The following ACACA variants were observed in gnomAD, a reference collection of about 807,000 sequenced individuals.
ACACA encodes acetyl-CoA carboxylase 1.
A neutral mutation model predicts 296.1 loss-of-function variants in ACACA; 103 were observed. The ratio of observed to expected loss-of-function variants is 0.35; its 90% CI spans 0.30 to 0.41. The LOEUF (loss-of-function observed/expected upper bound fraction) is 0.41, where lower values mean the gene tolerates loss of function less well. ACACA is among the 10% of genes least tolerant of loss of function. The pLI is 1.00. For synonymous variants in ACACA, 953 were observed against 1,038.6 expected (o/e 0.92, Z 1.58); for missense variants, 1,554 against 2,989.7 (o/e 0.52, Z 11.20).
At chr17:37,270,244 G>C (rs968680597) in intron 10 of ACACA, among the ~76,000 whole-genome samples, 1 of 152,110 alleles carries the variant, frequency 6.6e-6, no homozygotes, top group Admixed American at 6.5e-5. Flanking sequence ...GGGACAGCAG[G>C]GTAGATGAGA....
At chr17:37,088,291 G>A (rs570878395) in intron 55 of ACACA, among the ~76,000 whole-genome samples, 1 of 152,094 alleles carries the variant, frequency 6.6e-6, no homozygotes. Flanking sequence ...GAAATATTTG[G>A]GGGTAAAGGC....
chr17:37,264,022 A>C lies in ACACA; in HGVS notation c.1120-128T>G. 3 of 725,536 alleles carry C rather than the reference A, an allele frequency of 4.1e-6. No homozygotes were observed. In the East Asian group the frequency reaches 8.0e-5, roughly 19 times the overall value. The allele number at this position is 725,536 out of a possible 1,614,324, so 44.9% of individuals were successfully genotyped here. ...GTCAGGAACCATGTTAATCAGCAGAAATACAAAACTGAATAAAATACAGTC... is the reference window on the plus strand; with the variant it reads ...GTCAGGAACCATGTTAATCAGCAGACATACAAAACTGAATAAAATACAGTC... On this transcript the variant is annotated intron_variant, in intron 10 of 55. Coordinates refer to ENST00000616317, the MANE Select transcript of ACACA (RefSeq NM_198834.3).
chr17:37,316,657 AAT>A (rs1375881133), intron 3 of ACACA, among the ~76,000 whole-genome samples: 2 of 152,178 alleles, frequency 1.3e-5, no homozygotes, highest in African/African-American at 4.8e-5. Flanking sequence ...AAAAACTAAA[AAT>A]AGAGCTTCCA....
chr17:37,261,495 T>C (rs150249372), intron 11 of ACACA, among the ~76,000 whole-genome samples: 11 of 152,348 alleles, frequency 7.2e-5, no homozygotes, highest in African/African-American at 2.6e-4. Context: ...TTCAAAAGCC[T>C]GCGACTGATG....
chr17:37,175,906 T>C (rs1024722787), intron 41 of ACACA, among the ~76,000 whole-genome samples: 2 of 152,198 alleles, frequency 1.3e-5, no homozygotes, highest in Non-Finnish European at 2.9e-5. Flanking sequence ...CAGTAGCTAA[T>C]ACAGCATCAG....
chr17:37,228,994 A>G lies in ACACA; in HGVS notation c.3247-2542T>C, dbSNP rs529259479. Among the ~76,000 whole-genome samples, 300 of 152,084 alleles carry G rather than the reference A, an allele frequency of 2.0e-3. 1 individual carries two copies. The highest frequency in any genetic ancestry group is 4.8e-3 in the Admixed American group (74 of 15,290). ...CCGTCTCTACTAAAAATACAAAAAA[A>G]TTAGCCGGGCGTGGTGGCGGGTGCC... On this transcript the variant is annotated intron_variant, in intron 25 of 55. Coordinates refer to ENST00000616317, the MANE Select transcript of ACACA (RefSeq NM_198834.3).
In ACACA at chr17:37,406,660, G is replaced by A. The variant is rs144253968; in HGVS notation, c.-361C>T. On this transcript the variant is annotated 5_prime_UTR_variant, in exon 1 of 56. Coordinates refer to ENST00000616317, the MANE Select transcript of ACACA (RefSeq NM_198834.3). ...TCAGGCAACGGGCCACGCGCCACAC[G>A]GGCAAAGTGATTACTGGTCGGATCA... is the stretch of plus-strand genomic sequence containing the variant. 3.2e-3 allele frequency: 1,480 copies of A among 455,440 alleles called. 17 individuals carry two copies. The highest frequency in any genetic ancestry group is 0.026 in the African/African-American group (1,339 of 50,620). 28.2% of individuals were successfully genotyped at this position (455,440 alleles called of 1,614,324 possible).
intron 39 of ACACA, among the ~76,000 whole-genome samples, chr17:37,186,152 G>A (rs769370926): frequency 1.3e-4 from 19 of 150,366 alleles, no homozygotes; most frequent in Non-Finnish European, 2.1e-4. Context: ...TATAATGAAC[G>A]CAGTAACTAA....
chr17:37,168,611 T>C (rs1358239967), intron 41 of ACACA, among the ~76,000 whole-genome samples: 3 of 152,096 alleles, frequency 2.0e-5, no homozygotes, highest in Non-Finnish European at 4.4e-5. Context: ...ATTTTAGTCA[T>C]ACTACAACCG....
intron 39 of ACACA, among the ~76,000 whole-genome samples, chr17:37,183,260 A>G (rs1331051923): frequency 6.6e-6 from 1 of 152,194 alleles, no homozygotes; most frequent in African/African-American, 2.4e-5. Flanking sequence ...GAGGAAGGGG[A>G]TTGGAGAAAA....
intron 1 of ACACA, among the ~76,000 whole-genome samples, chr17:37,359,407 GGCGGGCGGGCC>G (rs72140314): frequency 0.2 from 30,117 of 151,570 alleles, 4,317 homozygotes; most frequent in African/African-American, 0.4. Context: ...GCGGCTAGAG[GGCGGGCGGGCC>G]GCGGGCGGGC....
At chr17:37,381,298 GTC>G (rs1182050006) in intron 1 of ACACA, among the ~76,000 whole-genome samples, 7 of 151,892 alleles carry the variant, frequency 4.6e-5, no homozygotes, top group Admixed American at 4.6e-4. Context: ...TGATTCTCCT[GTC>G]TCAGCTTTCC....
At chr17:37,101,620 C>T (rs1037493764) in intron 52 of ACACA, among the ~76,000 whole-genome samples, 2 of 152,184 alleles carry the variant, frequency 1.3e-5, no homozygotes. Flanking sequence ...GCAGAAGACA[C>T]GTGCTTCAGT....
At chr17:37,389,528 C>G (rs1252381334) in intron 1 of ACACA, among the ~76,000 whole-genome samples, 2 of 152,026 alleles carry the variant, frequency 1.3e-5, no homozygotes, top group Admixed American at 1.3e-4. Flanking sequence ...CCTGTCTCTA[C>G]TAAAAATACA....
At chr17:37,148,120 C>CTTT (rs763064260) in intron 45 of ACACA, among the ~76,000 whole-genome samples, 1 of 150,818 alleles carries the variant, frequency 6.6e-6, no homozygotes, top group Non-Finnish European at 1.5e-5. Context: ...TCTATGAGAA[C>CTTT]AGAATTTTTA....
chr17:37,144,405 C>T (rs927432057), intron 45 of ACACA: 3 of 361,546 alleles, frequency 8.3e-6, no homozygotes, highest in African/African-American at 2.1e-5. Flanking sequence ...AGTTACAATG[C>T]TGCCCGCCCC....
intron 33 of ACACA, 96 bp downstream of exon 33, chr17:37,205,669 G>T: frequency 1.0e-6 from 1 of 966,826 alleles, no homozygotes; most frequent in Non-Finnish European, 1.7e-6. Context: ...TATGATAAAA[G>T]ACATAGCCAT....
chr17:37,097,923 C>T lies in ACACA; in HGVS notation c.6627G>A (p.Glu2209=), dbSNP rs1392730096. 6.2e-7 allele frequency: 1 copy of T among 1,614,172 alleles called. No individual in the cohort carries two copies. The highest frequency in any genetic ancestry group is 2.2e-5 in the East Asian group (1 of 44,874). Residue 2209 remains glutamate (E), a synonymous_variant, in exon 53 of 56, where the codon GAG becomes GAA. Transcript: ENST00000616317. The surrounding 1 kb of genome is among the most constrained non-coding windows in gnomAD (Gnocchi z 4.8). ...GATGGTAAATGGGAATTAGGAATTC[C>T]TCCCGCTCCTTCAACTTGTTCTCCA... ...KELENKLKER[E]EFLIPIYHQV... is the part of the protein sequence containing the mutation.
chr17:37,167,679 A>T (rs2076734307), intron 41 of ACACA, among the ~76,000 whole-genome samples: 1 of 143,898 alleles, frequency 6.9e-6, no homozygotes, highest in African/African-American at 2.7e-5. Context: ...TTAAAAAGAT[A>T]TTAGTACAAA....
Sources: gnomAD v4.1 joint callset for allele counts (sites outside exome capture counted in the v4.1 genomes callset) on GRCh38, gnomAD v4.1.1 for gene constraint, Gnocchi (gnomAD v3.1) non-coding constraint, MANE v1.5 for transcripts, NCBI Gene and HGNC (gene_info 2026-07-23, HGNC 2026-07-21) for gene names.